The following PLD5 variants were observed in gnomAD, a reference collection of about 807,000 sequenced individuals.
PLD5 encodes the protein inactive phospholipase D5.
In PLD5, 36 loss-of-function variants were observed where a neutral mutation model predicts 61.1. The ratio of observed to expected loss-of-function variants is 0.59; its 90% CI spans 0.45 to 0.78. The LOEUF is 0.78. Ranked by LOEUF, PLD5 falls within the 30% of genes least tolerant of loss-of-function variation. The pLI, the probability that PLD5 is intolerant of heterozygous loss-of-function variation, is 0.00. For missense variants in PLD5, 515 were observed against 644.4 expected, an observed-to-expected ratio of 0.80 and a Z score of 2.17; for synonymous variants, 243 against 242.8, an observed-to-expected ratio of 1.00 and a Z score of -0.01.
At chr1:242,346,271 A>G (rs563679278) in intron 2 of PLD5, among the ~76,000 whole-genome samples, 12 of 152,026 alleles carry the variant, frequency 7.9e-5, no homozygotes, top group African/African-American at 2.9e-4. Flanking sequence ...GCTTCCTCCA[A>G]GTGAAAAAAA....
chr1:242,353,258 C>T (rs1185754712), intron 1 of PLD5, among the ~76,000 whole-genome samples: 2 of 152,052 alleles, frequency 1.3e-5, no homozygotes, highest in East Asian at 3.9e-4. Flanking sequence ...TTCCCAATAC[C>T]ATTTATTGAA....
chr1:242,412,148 T>C (rs966784772), intron 1 of PLD5, among the ~76,000 whole-genome samples: 16 of 152,268 alleles, frequency 1.1e-4, no homozygotes, highest in African/African-American at 3.9e-4. Flanking sequence ...AAGCTAGTAA[T>C]GCTCACTATG....
At chr1:242,393,096 C>T (rs1233219493) in intron 1 of PLD5, among the ~76,000 whole-genome samples, 1 of 150,986 alleles carries the variant, frequency 6.6e-6, no homozygotes, top group Non-Finnish European at 1.5e-5. Context: ...CCCAGCTACT[C>T]AGGAGGCTGA....
At chr1:242,490,238 T>G (rs1001298042) in intron 1 of PLD5, among the ~76,000 whole-genome samples, 2 of 152,222 alleles carry the variant, frequency 1.3e-5, no homozygotes, top group African/African-American at 2.4e-5. Flanking sequence ...CCACCATCTG[T>G]TACCAGAAGT....
At chr1:242,092,407 ACTGGTGCACC>A (rs2148648928) in intron 9 of PLD5, among the ~76,000 whole-genome samples, 1 of 152,276 alleles carries the variant, frequency 6.6e-6, no homozygotes, top group Admixed American at 6.5e-5. Flanking sequence ...ATGGTTAATC[ACTGGTGCACC>A]CAGGTCTGCC....
intron 2 of PLD5, among the ~76,000 whole-genome samples, chr1:242,334,820 T>A (rs149103472): frequency 6.6e-6 from 1 of 152,214 alleles, no homozygotes; most frequent in Non-Finnish European, 1.5e-5. Context: ...TACAGAAAGT[T>A]GGCAGCAAGA....
chr1:242,379,949 T>C (rs1662187416), intron 1 of PLD5, among the ~76,000 whole-genome samples: 1 of 152,198 alleles, frequency 6.6e-6, no homozygotes, highest in Admixed American at 6.5e-5. Context: ...CACTAACATA[T>C]TAATGGGTAT....
intron 1 of PLD5, among the ~76,000 whole-genome samples, chr1:242,377,788 T>C (rs1443872231): frequency 6.6e-6 from 1 of 152,122 alleles, no homozygotes; most frequent in African/African-American, 2.4e-5. Context: ...TCAACATCAC[T>C]ATAGAAAAAT....
chr1:242,259,307 C>CTCTCTCTCTCT lies in PLD5; in HGVS notation c.607+6029_607+6030insAGAGAGAGAGA, dbSNP rs1553337783. 5.7e-3 allele frequency among the ~76,000 whole-genome samples: 829 copies of CTCTCTCTCTCT among 145,818 alleles called. 9 individuals are homozygous for CTCTCTCTCTCT. Among genetic ancestry groups the CTCTCTCTCTCT allele is most frequent in the African/African-American group, 0.019 (748 of 39,500 alleles). ...CTGGGTGATGGAGCAAGACATCACC[C>CTCTCTCTCTCT]CTCTCTCTCTCTCTCTCTCAAAAAA... is the stretch of plus-strand genomic sequence containing the variant. On this transcript the variant is annotated intron_variant, in intron 4 of 9. Transcript: ENST00000536534.
At chr1:242,513,810 A>C (rs902014274) in intron 1 of PLD5, among the ~76,000 whole-genome samples, 8 of 152,218 alleles carry the variant, frequency 5.3e-5, no homozygotes, top group African/African-American at 1.9e-4. Flanking sequence ...CATCATGCCA[A>C]TCACAACTTC....
intron 2 of PLD5, among the ~76,000 whole-genome samples, chr1:242,289,921 A>G (rs1675260810): frequency 6.6e-6 from 1 of 150,384 alleles, no homozygotes; most frequent in Admixed American, 6.7e-5. Flanking sequence ...TATTTGATCA[A>G]CCCAAAATAT....
At chr1:242,488,113 G>A (rs1668025212) in intron 1 of PLD5, among the ~76,000 whole-genome samples, 1 of 152,110 alleles carries the variant, frequency 6.6e-6, no homozygotes, top group Non-Finnish European at 1.5e-5. Flanking sequence ...CTCATTAATT[G>A]CTAGTGGGAA....
intron 2 of PLD5, among the ~76,000 whole-genome samples, chr1:242,312,679 T>C (rs542539646): frequency 1.3e-5 from 2 of 152,200 alleles, no homozygotes; most frequent in Non-Finnish European, 2.9e-5. Context: ...CTCCCAGGCT[T>C]CTGTCATACA....
chr1:242,421,248 A>T (rs36117753), intron 1 of PLD5, among the ~76,000 whole-genome samples: 10,222 of 151,586 alleles, frequency 0.067, 426 homozygotes, highest in Middle Eastern at 0.18. Context: ...TAAAGACCAC[A>T]TCTTTTTGTT....
At chr1:242,497,725 G>A (rs930570430) in intron 1 of PLD5, among the ~76,000 whole-genome samples, 4 of 152,162 alleles carry the variant, frequency 2.6e-5, no homozygotes, top group African/African-American at 4.8e-5. Context: ...AAAACTGCTC[G>A]ACAAATACAG....
intron 7 of PLD5, among the ~76,000 whole-genome samples, chr1:242,109,297 G>GT (rs1460925531): frequency 6.6e-6 from 1 of 152,190 alleles, no homozygotes; most frequent in African/African-American, 2.4e-5. Flanking sequence ...GGCCAACATG[G>GT]TGAAACCCCG....
chr1:242,269,695 G>T (rs996317203), intron 3 of PLD5, among the ~76,000 whole-genome samples: 1 of 152,078 alleles, frequency 6.6e-6, no homozygotes, highest in Non-Finnish European at 1.5e-5. Flanking sequence ...CTTCCAGGTG[G>T]GGAAGGCAAG....
chr1:242,285,249 A>G (rs1674955270), intron 3 of PLD5, among the ~76,000 whole-genome samples: 1 of 152,174 alleles, frequency 6.6e-6, no homozygotes. Context: ...ACATCTACCT[A>G]AAGTCATATG....
intron 9 of PLD5, 78 bp from the exon 10 acceptor site, chr1:242,090,188 G>A: frequency 1.3e-6 from 2 of 1,533,430 alleles, no homozygotes; most frequent in Admixed American, 1.8e-5. Context: ...ATTCAGAGTG[G>A]ATTCTATTAA....
Sources: gnomAD v4.1 joint callset for allele counts (sites outside exome capture counted in the v4.1 genomes callset) on GRCh38, gnomAD v4.1.1 for gene constraint, MANE v1.5 for transcripts, NCBI Gene and HGNC (gene_info 2026-07-23, HGNC 2026-07-21) for gene names.